Variants in DAB1 observed in about 807,000 individuals in gnomAD.
DAB1 encodes disabled homolog 1.
A neutral mutation model predicts 64.6 loss-of-function variants in DAB1; 15 were observed. The ratio of observed to expected loss-of-function variants is 0.23; its 90% CI spans 0.16 to 0.36. DAB1 has a LOEUF of 0.36. Ranked by LOEUF, DAB1 falls within the 10% of genes least tolerant of loss-of-function variation. The probability of loss-of-function intolerance (pLI) is 1.00; values close to 1 mark genes in which losing one functional copy is unlikely to be tolerated. For synonymous variants in DAB1, 235 were observed against 251.9 expected, an observed-to-expected ratio of 0.93 and a Z score of 0.64; for missense variants, 596 against 706.7, an observed-to-expected ratio of 0.84 and a Z score of 1.78.
At chr1:58,037,734 T>C (rs1318201864) in intron 5 of DAB1, among the ~76,000 whole-genome samples, 2 of 152,170 alleles carry the variant, frequency 1.3e-5, no homozygotes, top group Non-Finnish European at 2.9e-5. Flanking sequence ...AGGCTAAAGT[T>C]ACCTCTGTGG....
intron 7 of DAB1, among the ~76,000 whole-genome samples, chr1:57,590,509 T>G (rs1453077153): frequency 6.6e-6 from 1 of 151,774 alleles, no homozygotes; most frequent in Non-Finnish European, 1.5e-5. Flanking sequence ...TTTTTTGTAT[T>G]TTTAGTAGAG....
At chr1:57,539,165 T>G (rs1482569609) in intron 7 of DAB1, among the ~76,000 whole-genome samples, 1 of 152,204 alleles carries the variant, frequency 6.6e-6, no homozygotes. Flanking sequence ...ACCAAGTATG[T>G]CTAATTAATG....
intron 7 of DAB1, among the ~76,000 whole-genome samples, chr1:57,569,559 G>A (rs545008295): frequency 2.0e-5 from 3 of 146,932 alleles, no homozygotes; most frequent in East Asian, 4.4e-4. Context: ...AGAACACTCG[G>A]ACACAGGAAG....
intron 7 of DAB1, among the ~76,000 whole-genome samples, chr1:57,455,822 G>A (rs1686570018): frequency 6.6e-6 from 1 of 152,082 alleles, no homozygotes; most frequent in Admixed American, 6.6e-5. Context: ...CAGGGCCACA[G>A]AACTTAGAGT....
chr1:57,667,669 C>G (rs920077640), intron 6 of DAB1, among the ~76,000 whole-genome samples: 1 of 151,960 alleles, frequency 6.6e-6, no homozygotes, highest in Admixed American at 6.6e-5. Context: ...TGAAATATGG[C>G]TAGTGTGCAT....
chr1:58,453,128 T>C (rs1645156587), intron 3 of DAB1, among the ~76,000 whole-genome samples: 2 of 152,094 alleles, frequency 1.3e-5, no homozygotes, highest in Non-Finnish European at 2.9e-5. Context: ...GAAAAGACCA[T>C]CTCAAAAGAT....
intron 2 of DAB1, among the ~76,000 whole-genome samples, chr1:57,284,644 T>C (rs1002157979): frequency 2.0e-5 from 3 of 152,264 alleles, no homozygotes; most frequent in Non-Finnish European, 4.4e-5. Flanking sequence ...ATAGAAGCAA[T>C]GATAAATAAG....
At chr1:57,340,930 C>T (rs1269013980) in intron 1 of DAB1, among the ~76,000 whole-genome samples, 1 of 152,172 alleles carries the variant, frequency 6.6e-6, no homozygotes, top group Admixed American at 6.5e-5. Context: ...GGATGACAGG[C>T]ACAATGATCC....
At chr1:57,336,964 A>C (rs55863020) in intron 1 of DAB1, among the ~76,000 whole-genome samples, 37,555 of 152,126 alleles carry the variant, frequency 0.25, 5,884 homozygotes, top group Non-Finnish European at 0.36. Flanking sequence ...CTCCCTCCCC[A>C]ACATCAGCTC....
intron 2 of DAB1, among the ~76,000 whole-genome samples, chr1:57,280,456 C>T (rs1227336178): frequency 6.6e-6 from 1 of 152,190 alleles, no homozygotes; most frequent in Non-Finnish European, 1.5e-5. Context: ...TCCTCTGAGT[C>T]ATTTACTGAC....
At chr1:58,207,230 A>AAC (rs1454675830) in intron 4 of DAB1, among the ~76,000 whole-genome samples, 1 of 152,184 alleles carries the variant, frequency 6.6e-6, no homozygotes, top group African/African-American at 2.4e-5. Flanking sequence ...GCTGCTATAA[A>AAC]ACACTAAGTT....
At chr1:57,797,244 C>A (rs753679401) in intron 6 of DAB1, among the ~76,000 whole-genome samples, 1 of 152,182 alleles carries the variant, frequency 6.6e-6, no homozygotes, top group Non-Finnish European at 1.5e-5. Flanking sequence ...ATCCTCCTAC[C>A]ACTAAGCTGC....
At chr1:57,016,736 C>T (rs1264980324) in intron 11 of DAB1, among the ~76,000 whole-genome samples, 1 of 152,086 alleles carries the variant, frequency 6.6e-6, no homozygotes, top group East Asian at 1.9e-4. Context: ...TTAGGTAAGA[C>T]ATATACATTT....
chr1:57,233,884 G>A (rs1190388037), intron 2 of DAB1, among the ~76,000 whole-genome samples: 2 of 152,144 alleles, frequency 1.3e-5, no homozygotes, highest in African/African-American at 4.8e-5. Context: ...ACTGGGAGCT[G>A]ATTCATAAAC....
chr1:57,885,293 A>G (rs1046600106), upstream of DAB1, among the ~76,000 whole-genome samples: 12 of 152,242 alleles, frequency 7.9e-5, no homozygotes, highest in Non-Finnish European at 1.3e-4. Flanking sequence ...AAGATAAAGA[A>G]ACAGAAGTAT....
In DAB1 at chr1:57,738,503, C is replaced by A. The variant is rs550968071; in HGVS notation, n.552-88838G>T. ...CCCCACCCACAACCCCACACATACC[C>A]CCAACCCCACACCCTACAGCCAACA... On this transcript the variant is annotated intron_variant and non_coding_transcript_variant, in intron 6 of 20. Coordinates refer to the DAB1 transcript ENST00000485760. Among the ~76,000 whole-genome samples, 218 of 152,214 alleles carry A rather than the reference C, an allele frequency of 1.4e-3. 1 individual carries two copies. The highest frequency in any genetic ancestry group is 5.0e-3 in the African/African-American group (209 of 41,526).
At chr1:57,811,291 C>T (rs757997940) in intron 6 of DAB1, among the ~76,000 whole-genome samples, 7 of 152,314 alleles carry the variant, frequency 4.6e-5, no homozygotes, top group South Asian at 2.1e-4. Flanking sequence ...GATTAGATCA[C>T]GGGGGTGGTT....
intron 3 of DAB1, among the ~76,000 whole-genome samples, chr1:58,433,592 A>AGTGTGTGTGTGTGTGTGT (rs1266210842): frequency 3.0e-5 from 3 of 100,708 alleles, no homozygotes; most frequent in Non-Finnish European, 5.7e-5. Context: ...AGAGAGAGAG[A>AGTGTGTGTGTGTGTGTGT]GAGAGTGTGT....
intron 5 of DAB1, among the ~76,000 whole-genome samples, chr1:57,938,663 A>G (rs1645061161): frequency 6.6e-6 from 1 of 152,134 alleles, no homozygotes; most frequent in Non-Finnish European, 1.5e-5. Flanking sequence ...TTTATAAATT[A>G]CCCAATCTCA....
Sources: allele counts gnomAD v4.1 joint callset (sites outside exome capture counted in the v4.1 genomes callset), GRCh38; gene constraint gnomAD v4.1.1; transcripts MANE v1.5; gene names NCBI Gene and HGNC (gene_info 2026-07-23, HGNC 2026-07-21).